The following IMPDH1 variants were observed in gnomAD, a reference collection of about 807,000 sequenced individuals.
IMPDH1 encodes inosine monophosphate dehydrogenase 1.
In IMPDH1, 41 loss-of-function variants were observed where a neutral mutation model predicts 73.5. The observed-to-expected ratio is 0.56, with a 90% CI of 0.43 to 0.72. The LOEUF (loss-of-function observed/expected upper bound fraction) is 0.72, where lower values mean the gene tolerates loss of function less well. Among genes scored for constraint, IMPDH1 ranks in the 30% least tolerant of loss-of-function variants. The pLI, the probability that IMPDH1 is intolerant of heterozygous loss-of-function variation, is 0.00. For synonymous variants in IMPDH1, 318 were observed against 334.3 expected, an observed-to-expected ratio of 0.95 and a Z score of 0.53; for missense variants, 645 against 824.8, an observed-to-expected ratio of 0.78 and a Z score of 2.67.
In IMPDH1 at chr7:128,408,601, C is replaced by T. The variant is rs552879926; in HGVS notation, c.254+688G>A. ...CGGTTGGGGGTGGGGGTAGGGATGG[C>T]CCCTTGATGCAGAAGTGCAATCTGG... On this transcript the variant is annotated intron_variant, in intron 3 of 16. Coordinates refer to ENST00000338791, the MANE Select transcript of IMPDH1 (RefSeq NM_000883.4). Among the ~76,000 whole-genome samples the T allele has an allele frequency of 1.1e-4, 16 of 152,104 alleles. No homozygotes were observed. In the South Asian group the frequency reaches 2.1e-3, roughly 20 times the overall value.
chr7:128,400,135 C>T lies in IMPDH1; in HGVS notation c.834G>A (p.Thr278=), dbSNP rs776020424. 6.8e-6 allele frequency: 11 copies of T among 1,613,850 alleles called. No homozygotes were observed. The highest frequency in any genetic ancestry group is 1.3e-5 in the African/African-American group (1 of 74,928). The change falls in exon 9 of 17, where the codon ACG becomes ACA. Residue 278 remains threonine, a synonymous_variant. Transcript: ENST00000338791. ...GCAGGATCTCATTTGCCTCTTTCAACGTCACACCTGCTGGAGCCACCACCA... is the reference window on the plus strand; with the variant it reads ...GCAGGATCTCATTTGCCTCTTTCAATGTCACACCTGCTGGAGCCACCACCA... ...IELVVAPAGV[T]LKEANEILQR...
rs530733258 is a variant in IMPDH1, at chr7:128,394,972, G to A, written c.1467C>T (p.Asp489=). 3.0e-5 allele frequency: 48 copies of A among 1,613,942 alleles called. No homozygotes were observed. The South Asian group carries it at 3.6e-4, about 12-fold the overall frequency. The change falls in exon 14 of 17, where the codon GAC becomes GAT. Residue 489 remains aspartate, a synonymous_variant. Coordinates refer to ENST00000338791, the MANE Select transcript of IMPDH1 (RefSeq NM_000883.4). This position sits in a 1 kb window ranked among gnomAD's most constrained non-coding sequence, Gnocchi z 5.5. The part of the protein sequence containing the change: ...TEAPGEYFFS[D]GVRLKKYRGM... ...CCCGGTACTTCTTGAGCCGCACCCC[G>A]TCTGAGAAGAAGTACTCGCCAGGGG...
At chr7:128,406,629 A>G (rs1367635271) in intron 3 of IMPDH1, among the ~76,000 whole-genome samples, 2 of 152,036 alleles carry the variant, frequency 1.3e-5, no homozygotes, top group Admixed American at 6.5e-5. Flanking sequence ...TAACTCCACA[A>G]TCTATTAATT....
In IMPDH1 at chr7:128,393,913, G is replaced by A. The variant is rs1221787359; in HGVS notation, c.1778+365C>T. 7.9e-5 allele frequency among the ~76,000 whole-genome samples: 12 copies of A among 152,078 alleles called. 1 individual carries two copies. The highest frequency in any genetic ancestry group is 2.6e-4 in the Admixed American group (4 of 15,278). On this transcript the variant is annotated intron_variant, in intron 16 of 16. Transcript: ENST00000338791. ...CGTCCATCTCTCTGCCCTTGTACCC[G>A]CCAGAGGGGTCACACCCGCATCTTC...
chr7:128,408,720 A>G (rs564055904), intron 3 of IMPDH1, among the ~76,000 whole-genome samples: 1 of 152,290 alleles, frequency 6.6e-6, no homozygotes, highest in African/African-American at 2.4e-5. Flanking sequence ...TCAAGCCCCA[A>G]CCGGCTCATT....
chr7:128,409,539 G>A, intron 1 of IMPDH1, 55 bp from the exon 2 acceptor site: 1 of 1,595,644 alleles, frequency 6.3e-7, no homozygotes, highest in South Asian at 1.1e-5. Context: ...GCTCCCCCGT[G>A]CAACGAAGCA....
At chr7:128,408,734 CCCCTGTGGCCCCTCCCTATCG>C (rs1798941954) in intron 3 of IMPDH1, among the ~76,000 whole-genome samples, 1 of 152,226 alleles carries the variant, frequency 6.6e-6, no homozygotes, top group African/African-American at 2.4e-5. Flanking sequence ...GCTCATTCAG[CCCCTGTGGCCCCTCCCTATCG>C]CCCTGCGGCC....
At chr7:128,405,577 C>G (rs1488703624) in intron 4 of IMPDH1, among the ~76,000 whole-genome samples, 190 bp downstream of exon 4, 3 of 152,204 alleles carry the variant, frequency 2.0e-5, no homozygotes, top group Non-Finnish European at 4.4e-5. Flanking sequence ...CTCTGAGGGC[C>G]GCGGTGTCGC....
intron 3 of IMPDH1, among the ~76,000 whole-genome samples, chr7:128,408,721 C>A (rs1798939921): frequency 6.6e-6 from 1 of 152,206 alleles, no homozygotes; most frequent in African/African-American, 2.4e-5. Context: ...CAAGCCCCAA[C>A]CGGCTCATTC....
chr7:128,397,069 T>C, intron 10 of IMPDH1, 47 bp from the exon 11 acceptor site: 1 of 1,365,168 alleles, frequency 7.3e-7, no homozygotes, highest in Non-Finnish European at 1.0e-6. Flanking sequence ...CTGAGGATTC[T>C]CAAGGCAGGA....
chr7:128,401,024 A>G lies in IMPDH1; in HGVS notation c.495T>C (p.Ile165=). The change falls in exon 6 of 17, where the codon ATT becomes ATC. Residue 165 remains isoleucine, a synonymous_variant. Transcript: ENST00000338791. The part of the protein sequence containing the change: ...MDTVTEADMA[I]AMALMGGIGF... ...CAGGTGTGTAACTCACAGCCATGGCAATGGCCATGTCAGCCTCTGTCACAG... is the reference window on the plus strand; with the variant it reads ...CAGGTGTGTAACTCACAGCCATGGCGATGGCCATGTCAGCCTCTGTCACAG... 1 of 1,612,112 alleles carries G rather than the reference A, an allele frequency of 6.2e-7. No individual in the cohort carries two copies. The highest frequency in any genetic ancestry group is 1.1e-5 in the South Asian group (1 of 91,030).
intron 4 of IMPDH1, among the ~76,000 whole-genome samples, chr7:128,405,322 G>C (rs918240459): frequency 1.3e-5 from 2 of 152,190 alleles, no homozygotes; most frequent in South Asian, 2.1e-4. Flanking sequence ...AGTTGGAAAA[G>C]AAGCCACCCC....
At position 128,395,335 on chromosome 7, in the gene IMPDH1, C is replaced by T. The variant is rs534289529; in HGVS notation, c.1262-61G>A. 1.4e-4 allele frequency: 222 copies of T among 1,592,058 alleles called. 5 individuals carry two copies. In the South Asian group the frequency reaches 2.2e-3, roughly 16 times the overall value. Reference sequence around the variant, plus strand: ...TCAACAGCAACTCCGGGGCCTGGAGCGGGGCCAGCCCAGCTCTTCCTCCTG... The same window carrying T: ...TCAACAGCAACTCCGGGGCCTGGAGTGGGGCCAGCCCAGCTCTTCCTCCTG... On this transcript the variant is annotated intron_variant, in intron 12 of 16. Coordinates refer to ENST00000338791, the MANE Select transcript of IMPDH1 (RefSeq NM_000883.4).
At position 128,409,422 on chromosome 7, in the gene IMPDH1, C is replaced by A; in HGVS notation, c.190+19G>T. On this transcript the variant is annotated intron_variant, in intron 2 of 16. Coordinates refer to ENST00000338791, the MANE Select transcript of IMPDH1 (RefSeq NM_000883.4). ...AGGACTCCAGCAAGCACTGTTTGAA[C>A]CCCAGGAGTTGGAGCCACCTGAACG... The A allele has an allele frequency of 6.2e-7, 1 of 1,614,162 alleles. No individual in the cohort carries two copies. Among genetic ancestry groups the A allele is most frequent in the South Asian group, 1.1e-5 (1 of 91,080 alleles).
Position 128,394,238 on chromosome 7 carries a change from C to T in IMPDH1, c.1778+40G>A. On this transcript the variant is annotated intron_variant, in intron 16 of 16. Transcript: ENST00000338791. This position sits in a 1 kb window ranked among gnomAD's most constrained non-coding sequence, Gnocchi z 5.5. ...GAACCCTGGCCCCACCTGCCCAACC[C>T]ACTGCCTCCAAGTGACAGCAAGGAG... 6.4e-7 allele frequency: 1 copy of T among 1,560,146 alleles called. No individual in the cohort carries two copies. The highest frequency in any genetic ancestry group is 8.8e-7 in the Non-Finnish European group (1 of 1,131,680).
In IMPDH1 at chr7:128,403,558, C is replaced by CAA. The variant is rs879132945; in HGVS notation, c.402+146_402+147dup. The CAA allele has an allele frequency of 1.0e-2, 4,663 of 468,154 alleles. 22 individuals are homozygous for CAA. The highest frequency in any genetic ancestry group is 0.034 in the African/African-American group (1,175 of 34,102). The allele number at this position is 468,154 out of a possible 1,614,324, so 29.0% of individuals were successfully genotyped here. ...GTGTGACAGAGCAAGACTCTGTCTC[C>CAA]AAAAAAAAAAAAAAAAAGGACTATA... On this transcript the variant is annotated intron_variant, in intron 5 of 16. Transcript: ENST00000338791.
Position 128,392,729 on chromosome 7 carries a change from A to G in IMPDH1, c.*278T>C, listed in dbSNP as rs997141085. ...GGGCCAGGCTGGAGCAGGCTGCAGC[A>G]AGAAAGACCTGAGGCAGGCGCAGGG... On this transcript the variant is annotated 3_prime_UTR_variant, in exon 17 of 17. Coordinates refer to ENST00000338791, the MANE Select transcript of IMPDH1 (RefSeq NM_000883.4). The G allele has an allele frequency of 4.2e-6, 2 of 476,272 alleles. No homozygotes were observed. Among genetic ancestry groups the G allele is most frequent in the Non-Finnish European group, 3.8e-6 (1 of 262,236 alleles). 29.5% of individuals were successfully genotyped at this position (476,272 alleles called of 1,614,324 possible). A position where few individuals can be genotyped will look rare whatever the true frequency, so the allele number is the denominator to read the frequency against.
chr7:128,405,722 G>T, intron 4 of IMPDH1, 45 bp downstream of exon 4: 2 of 1,515,994 alleles, frequency 1.3e-6, no homozygotes, highest in Non-Finnish European at 1.8e-6. Context: ...CGGGGGTCGC[G>T]GCGCGTGGAT....
chr7:128,409,829 G>GCGGGGCT lies in IMPDH1; in HGVS notation c.72_73insAGCCCCG (p.Gln25SerfsTer29), dbSNP rs1563006630. The GCGGGGCT allele has an allele frequency of 2.7e-6, 4 of 1,497,092 alleles. No homozygotes were observed. The South Asian group carries it at 5.0e-5, about 19-fold the overall frequency. The allele number at this position is 1,497,092 out of a possible 1,614,324, so 92.7% of individuals were successfully genotyped here. A position where few individuals can be genotyped will look rare whatever the true frequency, so the allele number is the denominator to read the frequency against. On this transcript the variant is annotated frameshift_variant, in exon 1 of 17. Transcript: ENST00000338791. LOFTEE classifies it high-confidence loss of function. ...GCCGCCGTCTCGTGTCCCGGGTGTT[G>GCGGGGCT]CCGGGCTCCGGGCTCCGGAACAGCG...
Sources: allele counts gnomAD v4.1 joint callset (sites outside exome capture counted in the v4.1 genomes callset), GRCh38; gene constraint gnomAD v4.1.1; non-coding constraint Gnocchi (gnomAD v3.1); transcripts MANE v1.5; gene names NCBI Gene and HGNC (gene_info 2026-07-23, HGNC 2026-07-21).